TESK2: variants seen among roughly 807,000 people sequenced by gnomAD.
TESK2 encodes the protein dual specificity testis-specific protein kinase 2.
In TESK2, 39 loss-of-function variants were observed where a neutral mutation model predicts 57.1. The ratio of observed to expected loss-of-function variants is 0.68; its 90% CI spans 0.53 to 0.89. The LOEUF (loss-of-function observed/expected upper bound fraction) is 0.89, where lower values mean the gene tolerates loss of function less well. Ranked by LOEUF, TESK2 falls within the 40% of genes least tolerant of loss-of-function variation. The probability of loss-of-function intolerance (pLI) is 0.00; values close to 1 mark genes in which losing one functional copy is unlikely to be tolerated. For missense variants in TESK2, 646 were observed against 732.1 expected (o/e 0.88, Z 1.36); for synonymous variants, 249 against 267.9 (o/e 0.93, Z 0.69).
intron 4 of TESK2, among the ~76,000 whole-genome samples, chr1:45,371,344 A>T (rs1648170120): frequency 6.6e-6 from 1 of 152,234 alleles, no homozygotes; most frequent in South Asian, 2.1e-4. Context: ...CCAAGAGGTG[A>T]AAGCAACCCA....
chr1:45,439,609 G>A (rs1318423864), intron 2 of TESK2, among the ~76,000 whole-genome samples: 2 of 152,082 alleles, frequency 1.3e-5, no homozygotes. Context: ...TTGCAGATGA[G>A]GAAACGGAGG....
At chr1:45,403,323 T>C (rs1001495876) in intron 3 of TESK2, among the ~76,000 whole-genome samples, 1 of 151,596 alleles carries the variant, frequency 6.6e-6, no homozygotes, top group African/African-American at 2.4e-5. Context: ...CCAGAAGAAC[T>C]ATGAATCTAA....
At chr1:45,448,350 C>G (rs1484212017) in intron 2 of TESK2, among the ~76,000 whole-genome samples, 1 of 151,832 alleles carries the variant, frequency 6.6e-6, no homozygotes, top group African/African-American at 2.4e-5. Context: ...GAAAAATACT[C>G]AACATCATAT....
intron 2 of TESK2, among the ~76,000 whole-genome samples, chr1:45,449,859 T>C (rs1448879277): frequency 6.6e-6 from 1 of 152,238 alleles, no homozygotes; most frequent in African/African-American, 2.4e-5. Context: ...TAGTTAATTG[T>C]CTAAATACAA....
intron 1 of TESK2, among the ~76,000 whole-genome samples, chr1:45,463,506 G>A (rs1467220612): frequency 1.3e-5 from 2 of 152,096 alleles, no homozygotes; most frequent in East Asian, 1.9e-4. Flanking sequence ...CACCTTTGTT[G>A]AAAATGAGTT....
chr1:45,449,315 A>G (rs1651778075), intron 2 of TESK2, among the ~76,000 whole-genome samples: 1 of 151,950 alleles, frequency 6.6e-6, no homozygotes, highest in African/African-American at 2.4e-5. Context: ...ACATATTTTT[A>G]CCATACAGTC....
intron 4 of TESK2, among the ~76,000 whole-genome samples, 175 bp downstream of exon 4, chr1:45,385,737 A>AT (rs1557552027): frequency 7.2e-5 from 9 of 125,410 alleles, no homozygotes; most frequent in African/African-American, 3.0e-4. Flanking sequence ...TATATATATA[A>AT]AGAAATACTG....
At chr1:45,483,278 C>A (rs1653309586) in intron 1 of TESK2, among the ~76,000 whole-genome samples, 1 of 147,298 alleles carries the variant, frequency 6.8e-6, no homozygotes. Flanking sequence ...GAGACTTCGT[C>A]TCAAAAAAAA....
In TESK2 at chr1:45,396,247, C is replaced by G. The variant is rs186416746; in HGVS notation, c.345-10287G>C. Among the ~76,000 whole-genome samples, 233 of 152,238 alleles carry G rather than the reference C, an allele frequency of 1.5e-3. 1 individual carries two copies. The highest frequency in any genetic ancestry group is 2.6e-3 in the Non-Finnish European group (178 of 68,030). The stretch of plus-strand genomic sequence containing the variant: ...TAGCTAAGATTACAGGCATGTGCCC[C>G]CATACCTGGCTAATTTTTTTGTATT... On this transcript the variant is annotated intron_variant, in intron 3 of 10. Coordinates refer to ENST00000372086, the MANE Select transcript of TESK2 (RefSeq NM_007170.3).
At chr1:45,415,225 C>G (rs1570705719) in intron 3 of TESK2, 1 of 1,481,930 alleles carries the variant, frequency 6.7e-7, no homozygotes, top group Non-Finnish European at 9.4e-7. Flanking sequence ...GGATGGCAAG[C>G]ATGTGGTCTT....
At chr1:45,427,381 C>T (rs1354730414) in intron 2 of TESK2, among the ~76,000 whole-genome samples, 1 of 152,096 alleles carries the variant, frequency 6.6e-6, no homozygotes, top group Non-Finnish European at 1.5e-5. Context: ...AATAGAGCTA[C>T]CATATGATCC....
chr1:45,352,139 T>C (rs1209668503), intron 5 of TESK2, among the ~76,000 whole-genome samples: 1 of 152,202 alleles, frequency 6.6e-6, no homozygotes, highest in Non-Finnish European at 1.5e-5. Flanking sequence ...GACAGTCTGG[T>C]TCATAAGACT....
At position 45,490,332 on chromosome 1, in the gene TESK2, CAG is replaced by C. The variant is rs1013227056; in HGVS notation, c.-87+518_-87+519del. Among the ~76,000 whole-genome samples the C allele has an allele frequency of 2.3e-4, 35 of 151,856 alleles. 1 individual carries two copies. Among genetic ancestry groups the C allele is most frequent in the Admixed American group, 4.6e-4 (7 of 15,218 alleles). On this transcript the variant is annotated intron_variant, in intron 1 of 10. Transcript: ENST00000372086. The stretch of plus-strand genomic sequence containing the variant: ...ACTCTTCACAGCGAAGAGTAAAAAG[CAG>C]AGAGGGGAAAGGAAGGGAGACGATG...
At chr1:45,443,995 T>C (rs1412901241) in intron 2 of TESK2, among the ~76,000 whole-genome samples, 1 of 152,082 alleles carries the variant, frequency 6.6e-6, no homozygotes, top group Non-Finnish European at 1.5e-5. Flanking sequence ...CTAGGCAACA[T>C]AGCGATACAC....
intron 1 of TESK2, among the ~76,000 whole-genome samples, chr1:45,462,731 T>C (rs142133894): frequency 1.2e-4 from 18 of 152,354 alleles, no homozygotes; most frequent in Non-Finnish European, 2.2e-4. Context: ...GCTATACTGA[T>C]ATCCTTTCTT....
chr1:45,439,466 C>T (rs1188463414), intron 2 of TESK2, among the ~76,000 whole-genome samples: 1 of 152,128 alleles, frequency 6.6e-6, no homozygotes, highest in Non-Finnish European at 1.5e-5. Context: ...ATATCAGCTA[C>T]CTATATAACA....
chr1:45,450,032 T>C (rs1029474930), intron 2 of TESK2, among the ~76,000 whole-genome samples: 2 of 152,204 alleles, frequency 1.3e-5, no homozygotes, highest in African/African-American at 4.8e-5. Flanking sequence ...AGAGATATTT[T>C]CTTAAACTAG....
chr1:45,360,942 C>T (rs529262060), intron 4 of TESK2, among the ~76,000 whole-genome samples: 14 of 152,300 alleles, frequency 9.2e-5, no homozygotes, highest in East Asian at 3.9e-4. Context: ...CTCAGCTTCC[C>T]GTGTAGCTGG....
intron 1 of TESK2, among the ~76,000 whole-genome samples, chr1:45,469,632 C>A (rs1157679508): frequency 6.6e-6 from 1 of 152,158 alleles, no homozygotes; most frequent in Non-Finnish European, 1.5e-5. Context: ...CCCAACTTCC[C>A]TCAACAGGGT....
Sources: gnomAD v4.1 joint callset for allele counts (sites outside exome capture counted in the v4.1 genomes callset) on GRCh38, gnomAD v4.1.1 for gene constraint, MANE v1.5 for transcripts, NCBI Gene and HGNC (gene_info 2026-07-23, HGNC 2026-07-21) for gene names.